The following LRRIQ1 variants were observed in gnomAD, a reference collection of about 807,000 sequenced individuals.
LRRIQ1 encodes the protein leucine rich repeats and IQ motif containing 1, also known as leucine-rich repeat- and IQ domain-containing protein 1.
Under a neutral mutation model 211.9 loss-of-function variants are expected in LRRIQ1, and 210 were observed. That is an observed-to-expected ratio of 0.99 (90% CI 0.89 to 1.11). LRRIQ1 has a LOEUF of 1.11. Among genes scored for constraint, LRRIQ1 ranks in the 50% most tolerant of loss-of-function variants. The probability of loss-of-function intolerance (pLI) is 0.00; values close to 1 mark genes in which losing one functional copy is unlikely to be tolerated. For missense variants in LRRIQ1, 2,136 were observed against 1,939.5 expected (o/e 1.10, Z -1.90); for synonymous variants, 699 against 650.1 (o/e 1.08, Z -1.14).
At chr12:85,097,434 G>A (rs1885979922) in intron 11 of LRRIQ1, among the ~76,000 whole-genome samples, 1 of 142,168 alleles carries the variant, frequency 7.0e-6, no homozygotes, top group Non-Finnish European at 1.5e-5. Flanking sequence ...ACAGGCCCCA[G>A]TGTGTGATGT....
chr12:85,166,365 A>G (rs1891156423), intron 24 of LRRIQ1, among the ~76,000 whole-genome samples: 1 of 152,122 alleles, frequency 6.6e-6, no homozygotes, highest in Non-Finnish European at 1.5e-5. Context: ...CATCACTAAC[A>G]TGCTTCCTAT....
intron 5 of LRRIQ1, among the ~76,000 whole-genome samples, chr12:85,046,858 T>C (rs1565783430): frequency 6.6e-6 from 1 of 152,108 alleles, no homozygotes; most frequent in Non-Finnish European, 1.5e-5. Flanking sequence ...TGTAGGGACA[T>C]GGATGAAGCT....
intron 26 of LRRIQ1, among the ~76,000 whole-genome samples, chr12:85,236,050 A>G (rs1895158941): frequency 6.6e-6 from 1 of 152,282 alleles, no homozygotes; most frequent in East Asian, 1.9e-4. Context: ...GAAAGCTGAG[A>G]TTGTTTACTA....
intron 24 of LRRIQ1, among the ~76,000 whole-genome samples, chr12:85,169,030 A>G (rs915804408): frequency 6.6e-6 from 1 of 152,176 alleles, no homozygotes; most frequent in African/African-American, 2.4e-5. Context: ...ATTATATACC[A>G]TATAATATAA....
At chr12:85,050,248 A>C (rs929203268) in intron 6 of LRRIQ1, among the ~76,000 whole-genome samples, 4 of 142,974 alleles carry the variant, frequency 2.8e-5, no homozygotes, top group African/African-American at 1.1e-4. Flanking sequence ...CATGGATTCT[A>C]TTTTTGTCCC....
downstream of LRRIQ1, among the ~76,000 whole-genome samples, chr12:85,268,931 A>C (rs1341694100): frequency 6.6e-6 from 1 of 152,128 alleles, no homozygotes; most frequent in East Asian, 1.9e-4. Flanking sequence ...GGGATTAAAA[A>C]AATGTTTTGG....
At chr12:85,131,048 TAA>T (rs35852058) in intron 18 of LRRIQ1, among the ~76,000 whole-genome samples, 547 of 130,044 alleles carry the variant, frequency 4.2e-3, no homozygotes, top group African/African-American at 0.012. Flanking sequence ...TCATCTCTAC[TAA>T]AAAAAAAAAA....
rs372330391 is a variant in LRRIQ1, at chr12:85,262,081, C to T, written c.122-834C>T. On this transcript the variant is annotated intron_variant, in intron 1 of 1. Transcript: ENST00000602731. Reference sequence around the variant, plus strand: ...GGGATTACAGGCGTAAGCCACTGCGCCAGGCCATAATTCTTTAATAGTATT... The same window carrying T: ...GGGATTACAGGCGTAAGCCACTGCGTCAGGCCATAATTCTTTAATAGTATT... 2.8e-4 allele frequency among the ~76,000 whole-genome samples: 43 copies of T among 152,314 alleles called. No homozygotes were observed. In the East Asian group the frequency reaches 5.6e-3, roughly 20 times the overall value.
chr12:85,037,022 G>A (rs1278279495), intron 1 of LRRIQ1, among the ~76,000 whole-genome samples: 1 of 152,058 alleles, frequency 6.6e-6, no homozygotes, highest in Non-Finnish European at 1.5e-5. Context: ...TGTGCTGCAG[G>A]TGTAAAACAC....
chr12:85,201,499 T>C lies in LRRIQ1; in HGVS notation c.4823-28018T>C, dbSNP rs554062114. Among the ~76,000 whole-genome samples, 14 of 152,250 alleles carry C rather than the reference T, an allele frequency of 9.2e-5. No individual in the cohort carries two copies. The East Asian group carries it at 2.3e-3, about 25-fold the overall frequency. Reference sequence around the variant, plus strand: ...TGGTCTCTTTAGAGATTCAGTTTCCTCCTAGTTCAGTCATGGGTGGCTGAA... The same window carrying C: ...TGGTCTCTTTAGAGATTCAGTTTCCCCCTAGTTCAGTCATGGGTGGCTGAA... On this transcript the variant is annotated intron_variant, in intron 24 of 26. Coordinates refer to ENST00000393217, the MANE Select transcript of LRRIQ1 (RefSeq NM_001079910.2).
intron 10 of LRRIQ1, 25 bp from the exon 11 acceptor site, chr12:85,072,882 G>T: frequency 6.5e-7 from 1 of 1,548,088 alleles, no homozygotes; most frequent in Non-Finnish European, 8.8e-7. Flanking sequence ...TATATATTTG[G>T]TCTTAATTCT....
At chr12:85,058,213 A>AAT (rs1355660303) in intron 8 of LRRIQ1, among the ~76,000 whole-genome samples, 1 of 152,022 alleles carries the variant, frequency 6.6e-6, no homozygotes, top group Non-Finnish European at 1.5e-5. Context: ...ATGAAATAGC[A>AAT]ATATAAGAGA....
intron 24 of LRRIQ1, among the ~76,000 whole-genome samples, chr12:85,180,037 A>T (rs929108066): frequency 2.0e-5 from 3 of 151,948 alleles, no homozygotes; most frequent in Admixed American, 6.6e-5. Flanking sequence ...ATTCTCAGAA[A>T]CACTCTTCCT....
At position 85,169,244 on chromosome 12, in the gene LRRIQ1, G is replaced by T. The variant is rs886440799; in HGVS notation, c.4822+8530G>T. 2.6e-5 allele frequency among the ~76,000 whole-genome samples: 4 copies of T among 152,108 alleles called. No individual in the cohort carries two copies. In the East Asian group the frequency reaches 7.7e-4, roughly 29 times the overall value. ...ATAAAATAGCAAAATCTTGTAATCT[G>T]TTTTTTGCATGATTTTTTTTATAAG... On this transcript the variant is annotated intron_variant, in intron 24 of 26. Coordinates refer to ENST00000393217, the MANE Select transcript of LRRIQ1 (RefSeq NM_001079910.2).
intron 23 of LRRIQ1, among the ~76,000 whole-genome samples, chr12:85,155,837 G>T (rs942129496): frequency 6.6e-6 from 1 of 151,708 alleles, no homozygotes; most frequent in Non-Finnish European, 1.5e-5. Context: ...TTTGTTGGGG[G>T]TGAGAACATT....
chr12:85,117,944 A>G (rs903219391), intron 15 of LRRIQ1, among the ~76,000 whole-genome samples: 1 of 152,154 alleles, frequency 6.6e-6, no homozygotes, highest in Non-Finnish European at 1.5e-5. Flanking sequence ...AATACAGTAA[A>G]CAACTTGGTG....
At chr12:85,204,104 A>G (rs752635844) in intron 24 of LRRIQ1, among the ~76,000 whole-genome samples, 1 of 152,208 alleles carries the variant, frequency 6.6e-6, no homozygotes, top group Non-Finnish European at 1.5e-5. Flanking sequence ...TCATTGTCCC[A>G]TGGCTAAAAG....
intron 24 of LRRIQ1, among the ~76,000 whole-genome samples, chr12:85,167,105 A>G (rs1418773398): frequency 2.0e-5 from 3 of 152,186 alleles, no homozygotes; most frequent in Non-Finnish European, 4.4e-5. Flanking sequence ...TCATTGCCCT[A>G]TGCAATCCAG....
At chr12:85,111,884 A>C (rs1420499542) in intron 15 of LRRIQ1, among the ~76,000 whole-genome samples, 2 of 151,956 alleles carry the variant, frequency 1.3e-5, no homozygotes, top group African/African-American at 4.8e-5. Flanking sequence ...TCCAGAATAG[A>C]GCTGGAAGGG....
Sources: gnomAD v4.1 joint callset for allele counts (sites outside exome capture counted in the v4.1 genomes callset) on GRCh38, gnomAD v4.1.1 for gene constraint, MANE v1.5 for transcripts, NCBI Gene and HGNC (gene_info 2026-07-23, HGNC 2026-07-21) for gene names.